The following LRRC37A2 variants were observed in gnomAD, a reference collection of about 807,000 sequenced individuals.
LRRC37A2 encodes the protein leucine-rich repeat-containing protein 37A2.
In LRRC37A2, 9 loss-of-function variants were observed where a neutral mutation model predicts 68.8. The observed-to-expected ratio is 0.13, with a 90% confidence interval of 0.08 to 0.23. The LOEUF (loss-of-function observed/expected upper bound fraction) is 0.23. Among genes scored for constraint, LRRC37A2 ranks in the 10% least tolerant of loss-of-function variants. LRRC37A2 has a pLI of 1.00. For missense variants in LRRC37A2, 168 were observed against 950.4 expected (o/e 0.18, Z 10.82); for synonymous variants, 63 against 367.6 (o/e 0.17, Z 9.48).
chr17:46,951,723 CAA>C, the LRRC37A2 span, among the ~76,000 whole-genome samples: 2 of 152,126 alleles, frequency 1.3e-5, no homozygotes, highest in Non-Finnish European at 2.9e-5. Context: ...GATAGTGACA[CAA>C]GAGGAAAAGG....
the LRRC37A2 span, among the ~76,000 whole-genome samples, chr17:46,962,093 C>A: frequency 6.6e-6 from 1 of 151,976 alleles, no homozygotes; most frequent in East Asian, 1.9e-4. Context: ...GCATTTTGGC[C>A]GAGGCGGGCA....
the LRRC37A2 span, among the ~76,000 whole-genome samples, chr17:46,747,542 A>AG: frequency 6.6e-6 from 1 of 152,152 alleles, no homozygotes; most frequent in Non-Finnish European, 1.5e-5. Context: ...AGCCTCCCAA[A>AG]GTGCTGGGAT....
Position 46,520,693 on chromosome 17 carries a change from A to C in LRRC37A2, c.2753+410A>C, listed in dbSNP as rs996839646. On this transcript the variant is annotated intron_variant, in intron 4 of 14. Coordinates refer to ENST00000576629, the Ensembl canonical transcript of LRRC37A2. Reference sequence around the variant, plus strand: ...ACTGTGAAAGAAAAAGAAAAGAAACAAAGAAATATGCGAGAGATCATATGT... The same window carrying C: ...ACTGTGAAAGAAAAAGAAAAGAAACCAAGAAATATGCGAGAGATCATATGT... Among the ~76,000 whole-genome samples the C allele has an allele frequency of 1.0e-4, 3 of 29,390 alleles. 1 individual carries two copies. Among genetic ancestry groups the C allele is most frequent in the Admixed American group, 7.0e-4 (2 of 2,846 alleles). The allele number at this position is 29,390 out of a possible 152,430, so 19.3% of individuals were successfully genotyped here.
At chr17:46,973,998 C>T in the LRRC37A2 span, among the ~76,000 whole-genome samples, 1 of 152,174 alleles carries the variant, frequency 6.6e-6, no homozygotes, top group African/African-American at 2.4e-5. Flanking sequence ...CAGCCACAGC[C>T]GTGCACCCCT....
chr17:46,752,451 TTTA>T, the LRRC37A2 span, among the ~76,000 whole-genome samples: 2 of 151,100 alleles, frequency 1.3e-5, no homozygotes, highest in African/African-American at 2.4e-5. Flanking sequence ...TCAGTAAACT[TTTA>T]TTATTATTAT....
the LRRC37A2 span, among the ~76,000 whole-genome samples, chr17:46,732,283 A>G: frequency 9.9e-5 from 15 of 152,266 alleles, no homozygotes; most frequent in South Asian, 3.1e-3. Context: ...ACGTGCTCAA[A>G]TAAAAGAATC....
the LRRC37A2 span, chr17:46,818,382 G>C: frequency 2.5e-6 from 2 of 814,080 alleles, no homozygotes; most frequent in African/African-American, 3.5e-5. Context: ...TCCAGGAGGG[G>C]TGGGCGGGTG....
chr17:46,874,292 A>G, the LRRC37A2 span, among the ~76,000 whole-genome samples: 1 of 152,190 alleles, frequency 6.6e-6, no homozygotes, highest in Non-Finnish European at 1.5e-5. Context: ...CACAGTGGGT[A>G]GCAGAGAATG....
the LRRC37A2 span, among the ~76,000 whole-genome samples, chr17:46,693,439 A>ACACATAATAGT: frequency 6.6e-6 from 1 of 151,968 alleles, no homozygotes; most frequent in African/African-American, 2.4e-5. Flanking sequence ...AGTGCGTTTC[A>ACACATAATAGT]GATCCTACAT....
the LRRC37A2 span, among the ~76,000 whole-genome samples, chr17:46,900,779 G>A: frequency 8.5e-5 from 13 of 152,114 alleles, no homozygotes; most frequent in Admixed American, 2.0e-4. Flanking sequence ...TTCTTTCCAT[G>A]TCATCCCAGA....
the LRRC37A2 span, among the ~76,000 whole-genome samples, chr17:46,944,399 C>G: frequency 2.0e-5 from 3 of 152,176 alleles, no homozygotes; most frequent in Admixed American, 6.5e-5. Context: ...GGGGGTAACA[C>G]CTGTCCCACG....
the LRRC37A2 span, chr17:46,979,090 C>G: frequency 8.1e-7 from 1 of 1,239,970 alleles, no homozygotes; most frequent in South Asian, 2.5e-5. Flanking sequence ...AGGGACGCTC[C>G]GGACCCCTCG....
the LRRC37A2 span, among the ~76,000 whole-genome samples, chr17:46,716,138 A>C: frequency 6.6e-6 from 1 of 152,210 alleles, no homozygotes; most frequent in Admixed American, 6.5e-5. Flanking sequence ...AGGTTGACAA[A>C]AGCCTGAGGG....
chr17:46,690,516 G>A, the LRRC37A2 span, among the ~76,000 whole-genome samples: 2 of 58,646 alleles, frequency 3.4e-5, no homozygotes, highest in African/African-American at 1.6e-4. Context: ...GGAGTCTGAG[G>A]CAGGAGAATG....
chr17:46,832,246 C>T, the LRRC37A2 span, among the ~76,000 whole-genome samples: 1 of 152,178 alleles, frequency 6.6e-6, no homozygotes, highest in Non-Finnish European at 1.5e-5. Context: ...CACAAAGCCT[C>T]CTCTCTGGGG....
chr17:46,826,337 G>A, the LRRC37A2 span, among the ~76,000 whole-genome samples: 1 of 152,382 alleles, frequency 6.6e-6, no homozygotes, highest in African/African-American at 2.4e-5. Flanking sequence ...TGGGAATGGG[G>A]TCACAGCTGC....
At chr17:46,762,512 G>A in the LRRC37A2 span, 1 of 151,366 alleles carries the variant, frequency 6.6e-6, no homozygotes, top group Non-Finnish European at 1.5e-5. Context: ...TCCATTTTAG[G>A]TTTGTTTACC....
At chr17:46,811,119 CA>C in the LRRC37A2 span, among the ~76,000 whole-genome samples, 1 of 144,658 alleles carries the variant, frequency 6.9e-6, no homozygotes, top group Non-Finnish European at 1.6e-5. Context: ...GGCCAGGCTG[CA>C]AACAGATAAA....
chr17:46,765,569 C>CT, the LRRC37A2 span, among the ~76,000 whole-genome samples: 32 of 152,258 alleles, frequency 2.1e-4, no homozygotes, highest in Non-Finnish European at 4.3e-4. Context: ...ACTGCCAAGA[C>CT]TGTCAGGGAA....
Sources: allele counts gnomAD v4.1 joint callset (sites outside exome capture counted in the v4.1 genomes callset), GRCh38; gene constraint gnomAD v4.1.1; transcripts MANE v1.5; gene names NCBI Gene and HGNC (gene_info 2026-07-23, HGNC 2026-07-21).